The following SHTN1 variants were observed in gnomAD, a reference collection of about 807,000 sequenced individuals.
SHTN1 encodes the protein shootin 1.
A neutral mutation model predicts 83.1 loss-of-function variants in SHTN1; 42 were observed. That is an observed-to-expected ratio of 0.51 (90% confidence interval 0.39 to 0.65). The LOEUF (loss-of-function observed/expected upper bound fraction) is 0.65. SHTN1 is among the 30% of genes least tolerant of loss of function. The pLI is 0.00. For synonymous variants in SHTN1, 224 were observed against 247.7 expected, an observed-to-expected ratio of 0.90 and a Z score of 0.90; for missense variants, 622 against 737.8, an observed-to-expected ratio of 0.84 and a Z score of 1.82.
rs563609321 is a variant in SHTN1, at chr10:116,986,711, G to A, written c.59-7403C>T. ...GGCCTGGGCAACATAGCAAAACCCA[G>A]TATCCTTTTTTTTTTTTTTTTTTTT... is the stretch of plus-strand genomic sequence containing the variant. On this transcript the variant is annotated intron_variant, in intron 1 of 16. Transcript: ENST00000355371. 6.0e-3 allele frequency among the ~76,000 whole-genome samples: 788 copies of A among 130,780 alleles called. 27 individuals carry two copies. The Admixed American group carries it at 0.06, about 10-fold the overall frequency. 85.8% of individuals were successfully genotyped at this position (130,780 alleles called of 152,430 possible).
chr10:116,983,678 AG>A (rs879803659), intron 1 of SHTN1, among the ~76,000 whole-genome samples: 18,076 of 78,060 alleles, frequency 0.23, 1,172 homozygotes, highest in Admixed American at 0.33. Flanking sequence ...ATAGATAGAT[AG>A]ATAGATAAAT....
intron 3 of SHTN1, among the ~76,000 whole-genome samples, chr10:116,965,982 A>C (rs1045661542): frequency 1.3e-5 from 2 of 152,006 alleles, no homozygotes. Context: ...AAATATTTAA[A>C]GTTTTCTTAG....
chr10:117,010,617 A>T (rs909418074), intron 2 of SHTN1, among the ~76,000 whole-genome samples: 3 of 152,190 alleles, frequency 2.0e-5, no homozygotes, highest in Non-Finnish European at 4.4e-5. Flanking sequence ...CCAGATAAGG[A>T]TATCACAAAG....
intron 4 of SHTN1, 116 bp downstream of exon 4, chr10:116,960,020 T>C: frequency 1.6e-6 from 1 of 610,116 alleles, no homozygotes; most frequent in Non-Finnish European, 2.9e-6. Flanking sequence ...TCCCTCATCA[T>C]CAGAGTAGAT....
intron 2 of SHTN1, among the ~76,000 whole-genome samples, chr10:116,970,273 G>A (rs546810750): frequency 2.3e-4 from 35 of 151,992 alleles, no homozygotes; most frequent in Non-Finnish European, 5.0e-4. Context: ...TCTACTTCTA[G>A]GTGTATATAC....
At chr10:116,913,401 A>C (rs1456644817) in intron 13 of SHTN1, among the ~76,000 whole-genome samples, 1 of 152,244 alleles carries the variant, frequency 6.6e-6, no homozygotes, top group Non-Finnish European at 1.5e-5. Flanking sequence ...ACACAGTTCA[A>C]GATTTACCAG....
intron 1 of SHTN1, among the ~76,000 whole-genome samples, chr10:116,980,987 G>A (rs1405252043): frequency 3.3e-5 from 5 of 152,158 alleles, no homozygotes; most frequent in Non-Finnish European, 5.9e-5. Flanking sequence ...CCATAAAATA[G>A]GTGAATGTGT....
At chr10:117,094,136 C>CACT (rs2133622642) in intron 1 of SHTN1, among the ~76,000 whole-genome samples, 1 of 152,274 alleles carries the variant, frequency 6.6e-6, no homozygotes, top group African/African-American at 2.4e-5. Flanking sequence ...CTATCTGAGG[C>CACT]ACTACACCGC....
At chr10:116,960,403 T>C in intron 3 of SHTN1, 173 bp from the exon 4 acceptor site, 1 of 490,756 alleles carries the variant, frequency 2.0e-6, no homozygotes, top group Non-Finnish European at 3.6e-6. Flanking sequence ...GAGCTAATAT[T>C]TGAATGTAGA....
chr10:116,974,747 C>A (rs556968319), intron 2 of SHTN1, among the ~76,000 whole-genome samples: 4 of 151,974 alleles, frequency 2.6e-5, no homozygotes, highest in African/African-American at 4.8e-5. Context: ...CTTCTTTTTA[C>A]GCACACTCCA....
At chr10:116,954,259 T>A in intron 4 of SHTN1, 49 bp from the exon 5 acceptor site, 4 of 1,289,518 alleles carry the variant, frequency 3.1e-6, no homozygotes, top group Non-Finnish European at 4.3e-6. Flanking sequence ...CAAATGAGTA[T>A]CTTGGATTTT....
intron 2 of SHTN1, among the ~76,000 whole-genome samples, chr10:117,032,265 G>A (rs1016493415): frequency 4.3e-4 from 66 of 152,100 alleles, no homozygotes; most frequent in African/African-American, 1.5e-3. Flanking sequence ...GTGCAGTGGC[G>A]CGATCTTGGC....
chr10:116,905,061 C>T (rs1221238691), intron 15 of SHTN1, among the ~76,000 whole-genome samples: 2 of 151,434 alleles, frequency 1.3e-5, no homozygotes, highest in Non-Finnish European at 2.9e-5. Flanking sequence ...ATTAGCCGGG[C>T]GCGGTGGCGG....
At chr10:117,050,438 G>C (rs528569722) in intron 1 of SHTN1, among the ~76,000 whole-genome samples, 2 of 152,164 alleles carry the variant, frequency 1.3e-5, no homozygotes, top group East Asian at 3.9e-4. Flanking sequence ...AAAACATATG[G>C]ATGCAGTGAA....
intron 2 of SHTN1, among the ~76,000 whole-genome samples, chr10:117,019,964 C>A (rs1189654319): frequency 1.3e-5 from 2 of 152,114 alleles, no homozygotes; most frequent in Non-Finnish European, 2.9e-5. Flanking sequence ...AGTTCAAATG[C>A]CAAATTCATC....
At position 116,954,027 on chromosome 10, in the gene SHTN1, A is replaced by T. The variant is rs1187524379; in HGVS notation, c.436+15T>A. On this transcript the variant is annotated intron_variant, in intron 5 of 16. Coordinates refer to ENST00000355371, the MANE Select transcript of SHTN1 (RefSeq NM_001127211.3). ...GGGTAAAAAATATGCTCAATAATTA[A>T]GCAAAGAGTTCTACCTTTAATTTGC... 6.3e-7 allele frequency: 1 copy of T among 1,596,936 alleles called. No homozygotes were observed. The highest frequency in any genetic ancestry group is 8.5e-7 in the Non-Finnish European group (1 of 1,173,094).
At chr10:117,104,824 A>T (rs1440759842) in intron 1 of SHTN1, among the ~76,000 whole-genome samples, 1 of 151,932 alleles carries the variant, frequency 6.6e-6, no homozygotes, top group Non-Finnish European at 1.5e-5. Flanking sequence ...ATTTGTCATG[A>T]ATATCTTCCA....
chr10:116,915,160 AC>A (rs1050473911), intron 13 of SHTN1, among the ~76,000 whole-genome samples: 5 of 152,048 alleles, frequency 3.3e-5, no homozygotes, highest in African/African-American at 9.7e-5. Flanking sequence ...AGACAACAGC[AC>A]CCCCAAAATA....
chr10:117,001,641 G>A (rs1851825008), intron 1 of SHTN1, among the ~76,000 whole-genome samples: 2 of 152,154 alleles, frequency 1.3e-5, no homozygotes, highest in African/African-American at 4.8e-5. Flanking sequence ...AACATAGTTA[G>A]ATACAAGGAG....
Sources: allele counts gnomAD v4.1 joint callset (sites outside exome capture counted in the v4.1 genomes callset), GRCh38; gene constraint gnomAD v4.1.1; transcripts MANE v1.5; gene names NCBI Gene and HGNC (gene_info 2026-07-23, HGNC 2026-07-21).